WDR25: variants seen among roughly 807,000 people sequenced by gnomAD.
WDR25 encodes the protein WD repeat domain 25.
In WDR25, 35 loss-of-function variants were observed where a neutral mutation model predicts 47.7. The ratio of observed to expected loss-of-function variants is 0.73; its 90% confidence interval spans 0.56 to 0.97. The LOEUF (loss-of-function observed/expected upper bound fraction) is 0.97, where lower values mean the gene tolerates loss of function less well. Among genes scored for constraint, WDR25 ranks in the 50% least tolerant of loss-of-function variants. The pLI is 0.00. For missense variants in WDR25, 634 were observed against 704.7 expected (o/e 0.90, Z 1.14); for synonymous variants, 248 against 278.9 (o/e 0.89, Z 1.10).
chr14:100,447,391 C>T (rs1898872194), intron 2 of WDR25, among the ~76,000 whole-genome samples: 1 of 152,200 alleles, frequency 6.6e-6, no homozygotes, highest in Admixed American at 6.5e-5. Flanking sequence ...CAGTGCTGGG[C>T]AGTAGGGGGG....
At chr14:100,405,333 G>C (rs1897503647) in intron 2 of WDR25, among the ~76,000 whole-genome samples, 1 of 151,958 alleles carries the variant, frequency 6.6e-6, no homozygotes, top group Non-Finnish European at 1.5e-5. Flanking sequence ...GGCTAATTTT[G>C]TATTTTTAGT....
At chr14:100,394,197 C>G (rs987416658) in intron 2 of WDR25, among the ~76,000 whole-genome samples, 1 of 152,180 alleles carries the variant, frequency 6.6e-6, no homozygotes, top group African/African-American at 2.4e-5. Flanking sequence ...ATTCGTTGAT[C>G]AAATAATCCG....
chr14:100,522,261 T>A (rs2029896786), intron 4 of WDR25, among the ~76,000 whole-genome samples: 1 of 152,224 alleles, frequency 6.6e-6, no homozygotes, highest in Non-Finnish European at 1.5e-5. Flanking sequence ...TTTTATATAG[T>A]CCAGTTTATT....
intron 2 of WDR25, among the ~76,000 whole-genome samples, chr14:100,384,259 A>G (rs1896970057): frequency 6.6e-6 from 1 of 152,268 alleles, no homozygotes; most frequent in Admixed American, 6.5e-5. Flanking sequence ...AGCCATAGAT[A>G]CAAATGGTGG....
chr14:100,482,564 G>A (rs1263344022), intron 3 of WDR25, among the ~76,000 whole-genome samples: 1 of 152,084 alleles, frequency 6.6e-6, no homozygotes, highest in Non-Finnish European at 1.5e-5. Context: ...TAATAGCTTG[G>A]AGACCATGGA....
Position 100,438,487 on chromosome 14 carries a change from T to C in WDR25, c.823-29534T>C, listed in dbSNP as rs183375939. On this transcript the variant is annotated intron_variant, in intron 2 of 6. Coordinates refer to ENST00000402312, the MANE Select transcript of WDR25 (RefSeq NM_001161476.3). ...TTCTCGAGGCTATGAGTAAGGTTTT[T>C]TAATTAAGTCAAATTGAATTGAATG... 2.6e-5 allele frequency among the ~76,000 whole-genome samples: 4 copies of C among 152,374 alleles called. No individual in the cohort carries two copies. In the East Asian group the frequency reaches 7.7e-4, roughly 29 times the overall value.
chr14:100,511,281 T>C (rs975893448), intron 4 of WDR25, among the ~76,000 whole-genome samples: 6 of 152,240 alleles, frequency 3.9e-5, no homozygotes, highest in Non-Finnish European at 8.8e-5. Flanking sequence ...TATTTATATT[T>C]TGATGCTATT....
chr14:100,381,193 C>T lies in WDR25; in HGVS notation c.269C>T (p.Ser90Phe). The T allele has an allele frequency of 6.2e-7, 1 of 1,614,180 alleles. No homozygotes were observed. The highest frequency in any genetic ancestry group is 8.5e-7 in the Non-Finnish European group (1 of 1,180,034). ...LAQLGRSDWGSCPSQRLQWPG... is the reference protein window; with the variant it reads ...LAQLGRSDWGFCPSQRLQWPG... ...CAGCTTGGGAGAAGCGATTGGGGAT[C>T]TTGCCCCAGCCAGAGGCTACAGTGG... The change falls in exon 2 of 7, where the codon TCT (serine) becomes TTT (phenylalanine). Residue 90 changes from serine to phenylalanine, a missense_variant. Ser to Phe is a radical substitution (Grantham distance 155). Transcript: ENST00000402312.
At position 100,407,249 on chromosome 14, in the gene WDR25, T is replaced by C; in HGVS notation, c.822+25503T>C. 1 of 152,238 alleles carries C rather than the reference T, an allele frequency of 6.6e-6. No individual in the cohort carries two copies. Among genetic ancestry groups the C allele is most frequent in the East Asian group, 1.9e-4 (1 of 5,200 alleles). The allele number at this position is 152,238 out of a possible 1,614,324, so 9.4% of individuals were successfully genotyped here. ...TCCTGAAAAGTTGCTTTCAGATTCT[T>C]ATTGATGTGCTCACATTTTTTGGGG... is the stretch of plus-strand genomic sequence containing the variant. On this transcript the variant is annotated intron_variant, in intron 2 of 6. Transcript: ENST00000402312. The surrounding 1 kb of genome is among the most constrained non-coding windows in gnomAD (Gnocchi z 4.1).
intron 3 of WDR25, among the ~76,000 whole-genome samples, chr14:100,477,821 G>A (rs1416332356): frequency 6.6e-6 from 1 of 152,210 alleles, no homozygotes; most frequent in Non-Finnish European, 1.5e-5. Context: ...GCCGGGCGCC[G>A]TGGCTCACGC....
rs1010500948 is a variant in WDR25, at chr14:100,430,912, T to C, written c.823-37109T>C. Among the ~76,000 whole-genome samples the C allele has an allele frequency of 6.6e-5, 10 of 152,332 alleles. No homozygotes were observed. The highest frequency in any genetic ancestry group is 6.5e-4 in the Admixed American group (10 of 15,306). On this transcript the variant is annotated intron_variant, in intron 2 of 6. Coordinates refer to ENST00000402312, the MANE Select transcript of WDR25 (RefSeq NM_001161476.3). The surrounding 1 kb of genome is among the most constrained non-coding windows in gnomAD (Gnocchi z 4.7). Reference sequence around the variant, plus strand: ...GCGGTGCCAGAGGTGTCCTCTGGCCTCAGCCTGCAGGAATAAATCGCTGGT... The same window carrying C: ...GCGGTGCCAGAGGTGTCCTCTGGCCCCAGCCTGCAGGAATAAATCGCTGGT...
Position 100,529,256 on chromosome 14 carries a change from G to T in WDR25, c.1413+48G>T. On this transcript the variant is annotated intron_variant, in intron 6 of 6. Coordinates refer to ENST00000402312, the MANE Select transcript of WDR25 (RefSeq NM_001161476.3). This position sits in a 1 kb window ranked among gnomAD's most constrained non-coding sequence, Gnocchi z 5.1. ...GGCGAATGCTGAGCCCCAGCCCCAA[G>T]CCTCCTGGCAGTCCTGGACATGGGC... 6.2e-7 allele frequency: 1 copy of T among 1,609,702 alleles called. No individual in the cohort carries two copies.
At chr14:100,447,470 C>G (rs898102683) in intron 2 of WDR25, among the ~76,000 whole-genome samples, 3 of 152,228 alleles carry the variant, frequency 2.0e-5, no homozygotes, top group African/African-American at 7.2e-5. Flanking sequence ...CACGTGTCTG[C>G]AGCTCTCTTC....
In WDR25 at chr14:100,464,941, C is replaced by T. The variant is rs993388152; in HGVS notation, c.823-3080C>T. On this transcript the variant is annotated intron_variant, in intron 2 of 6. Transcript: ENST00000402312. Reference sequence around the variant, plus strand: ...CTCTCCTCTACCCCATCTCAAGTCCCCTACTCCATCTCCTCTCCCCTACCC... The same window carrying T: ...CTCTCCTCTACCCCATCTCAAGTCCTCTACTCCATCTCCTCTCCCCTACCC... Among the ~76,000 whole-genome samples the T allele has an allele frequency of 5.3e-5, 8 of 150,808 alleles. No homozygotes were observed. The South Asian group carries it at 8.5e-4, about 16-fold the overall frequency.
intron 3 of WDR25, among the ~76,000 whole-genome samples, chr14:100,473,419 G>A (rs148436694): frequency 5.9e-5 from 9 of 152,254 alleles, no homozygotes; most frequent in South Asian, 2.1e-4. Context: ...CCCTCCCCAC[G>A]TCTGTTTCCC....
At chr14:100,518,059 C>A (rs1342848057) in intron 4 of WDR25, among the ~76,000 whole-genome samples, 1 of 152,064 alleles carries the variant, frequency 6.6e-6, no homozygotes, top group Non-Finnish European at 1.5e-5. Flanking sequence ...TAATCATTTA[C>A]CGTTTTTTGC....
intron 3 of WDR25, among the ~76,000 whole-genome samples, chr14:100,470,661 G>T (rs553294157): frequency 1.3e-5 from 2 of 152,224 alleles, no homozygotes; most frequent in Non-Finnish European, 2.9e-5. Context: ...GCTTTGAGTA[G>T]TCCTCCTTGG....
Position 100,381,094 on chromosome 14 carries a change from T to G in WDR25, c.170T>G (p.Val57Gly). 6.2e-7 allele frequency: 1 copy of G among 1,614,220 alleles called. No homozygotes were observed. The highest frequency in any genetic ancestry group is 8.5e-7 in the Non-Finnish European group (1 of 1,180,032). ...GATTTTGCATCTGGTACACTGGATG[T>G]GCCCAAAGCAGGGGCACAGCCCACA... The part of the protein sequence containing the change: ...GQDFASGTLD[V>G]PKAGAQPTKH... Residue 57 changes from valine to glycine, a missense_variant, in exon 2 of 7, where the codon GTG becomes GGG. Physicochemically the swap from Val to Gly is moderately radical, Grantham distance 109. Coordinates refer to ENST00000402312, the MANE Select transcript of WDR25 (RefSeq NM_001161476.3).
At chr14:100,417,370 G>A (rs1026883895) in intron 2 of WDR25, among the ~76,000 whole-genome samples, 1 of 152,250 alleles carries the variant, frequency 6.6e-6, no homozygotes, top group Non-Finnish European at 1.5e-5. Flanking sequence ...GGATTTGTGG[G>A]ACTGAGTATC....
Sources: gnomAD v4.1 joint callset for allele counts (sites outside exome capture counted in the v4.1 genomes callset) on GRCh38, gnomAD v4.1.1 for gene constraint, Gnocchi (gnomAD v3.1) non-coding constraint, MANE v1.5 for transcripts, NCBI Gene and HGNC (gene_info 2026-07-23, HGNC 2026-07-21) for gene names.